Variants in INO80D observed in about 807,000 individuals in gnomAD.
INO80D encodes the protein INO80 complex subunit D.
INO80D carries 21 observed loss-of-function variants against 87.6 expected under a neutral mutation model. The observed-to-expected ratio is 0.24, with a 90% CI of 0.17 to 0.35. INO80D has a LOEUF of 0.35. Ranked by LOEUF, INO80D falls within the 10% of genes least tolerant of loss-of-function variation. INO80D has a pLI of 1.00. For synonymous variants in INO80D, 440 were observed against 491.0 expected (o/e 0.90, Z 1.37); for missense variants, 982 against 1,280.7 (o/e 0.77, Z 3.56).
rs1168497684 is a variant in INO80D at position 205,999,419 on chromosome 2, A to G, written c.*4949T>C. On this transcript the variant is annotated 3_prime_UTR_variant, in exon 11 of 11. Transcript: ENST00000403263. The stretch of plus-strand genomic sequence containing the variant: ...TGATCTAAACTTTAGATCACTAAAA[A>G]CTGCTGTTCAAAGTAGCCAAACATC... The G allele has an allele frequency of 6.6e-6, 1 of 152,144 alleles. No individual in the cohort carries two copies. The highest frequency in any genetic ancestry group is 1.5e-5 in the Non-Finnish European group (1 of 68,032). The allele number at this position is 152,144 out of a possible 1,614,324, so 9.4% of individuals were successfully genotyped here. A position where few individuals can be genotyped will look rare whatever the true frequency, so the allele number is the denominator to read the frequency against.
In INO80D at chr2:206,005,219, G is replaced by T; in HGVS notation, c.2233C>A (p.Pro745Thr). 1 of 1,613,996 alleles carries T rather than the reference G, an allele frequency of 6.2e-7. No individual in the cohort carries two copies. The highest frequency in any genetic ancestry group is 8.5e-7 in the Non-Finnish European group (1 of 1,179,886). Residue 745 changes from proline to threonine, a missense_variant, in exon 11 of 11, where the codon CCT becomes ACT. Physicochemically the swap from Pro to Thr is conservative, Grantham distance 38. Coordinates refer to ENST00000403263, the MANE Select transcript of INO80D (RefSeq NM_017759.5). The part of the protein sequence containing the change: ...LLRSATLSNP[P>T]TPLAGQIQGQ... ...TGGATCTGCCCTGCCAGGGGTGTAG[G>T]TGGGTTTGACAAGGTAGCAGAACGG...
intron 1 of INO80D, among the ~76,000 whole-genome samples, chr2:206,073,798 A>T (rs1048124552): frequency 1.2e-4 from 18 of 152,224 alleles, no homozygotes; most frequent in East Asian, 5.8e-4. Context: ...TACAGGCCTA[A>T]GCCACCATGC....
At chr2:206,028,897 T>G (rs1275980258) in intron 5 of INO80D, among the ~76,000 whole-genome samples, 2 of 151,800 alleles carry the variant, frequency 1.3e-5, no homozygotes, top group Admixed American at 6.6e-5. Flanking sequence ...TTTTTGTTTT[T>G]TTTTTTTGGA....
intron 10 of INO80D, 96 bp from the exon 11 acceptor site, chr2:206,005,629 T>A: frequency 1.0e-6 from 1 of 980,690 alleles, no homozygotes; most frequent in Non-Finnish European, 1.5e-6. Context: ...ATATTCGATT[T>A]AAAGAGTCCC....
At chr2:206,026,373 C>G (rs1184548075) in intron 6 of INO80D, among the ~76,000 whole-genome samples, 1 of 151,730 alleles carries the variant, frequency 6.6e-6, no homozygotes, top group African/African-American at 2.4e-5. Flanking sequence ...TGGTGAAACC[C>G]CATCTTTACT....
At chr2:206,057,967 CAT>C (rs1689572320) in intron 3 of INO80D, among the ~76,000 whole-genome samples, 1 of 150,014 alleles carries the variant, frequency 6.7e-6, no homozygotes, top group South Asian at 2.1e-4. Flanking sequence ...TGAAAGATCA[CAT>C]ATCTCTGTTT....
In INO80D at chr2:206,004,652, A is replaced by G; in HGVS notation, c.2800T>C (p.Phe934Leu). 1 of 1,613,780 alleles carries G rather than the reference A, an allele frequency of 6.2e-7. No homozygotes were observed. The highest frequency in any genetic ancestry group is 1.6e-4 in the Middle Eastern group (1 of 6,062). ...GAGCTGCTGGGGGTCACGGTGGCGA[A>G]GGCAGGCTGTGTGGTCTCTGAGTTC... Reference protein sequence around the residue: ...TSNSETTQPAFATVTPSSSSV... With the variant: ...TSNSETTQPALATVTPSSSSV... The change falls in exon 11 of 11, where the codon TTC (phenylalanine) becomes CTC (leucine). Residue 934 changes from phenylalanine to leucine, a missense_variant. Coordinates refer to ENST00000403263, the MANE Select transcript of INO80D (RefSeq NM_017759.5). This position sits in a 1 kb window ranked among gnomAD's most constrained non-coding sequence, Gnocchi z 4.9.
In INO80D at chr2:206,004,906, G is replaced by C. The variant is rs767227110; in HGVS notation, c.2546C>G (p.Thr849Arg). The C allele has an allele frequency of 6.2e-7, 1 of 1,614,044 alleles. No homozygotes were observed. Among genetic ancestry groups the C allele is most frequent in the South Asian group, 1.1e-5 (1 of 91,086 alleles). ...TGCCATATTATCACCAGAGTACGAT[G>C]TTGTGTGGGGAGAGGTGATATGGTC... is the stretch of plus-strand genomic sequence containing the variant. ...YSDHITSPHT[T>R]SYSGDNMAAT... Residue 849 changes from threonine to arginine, a missense_variant, in exon 11 of 11, where the codon ACA becomes AGA. Coordinates refer to ENST00000403263, the MANE Select transcript of INO80D (RefSeq NM_017759.5). The surrounding 1 kb of genome is among the most constrained non-coding windows in gnomAD (Gnocchi z 4.9).
chr2:206,009,139 G>A (rs527381670), intron 9 of INO80D, among the ~76,000 whole-genome samples: 3 of 152,194 alleles, frequency 2.0e-5, no homozygotes, highest in Non-Finnish European at 2.9e-5. Context: ...GTGAAACCCC[G>A]TCTCTACTAA....
In INO80D at chr2:206,009,765, A is replaced by G; in HGVS notation, c.1572T>C (p.Arg524=). 6.2e-7 allele frequency: 1 copy of G among 1,613,144 alleles called. No homozygotes were observed. Among genetic ancestry groups the G allele is most frequent in the Non-Finnish European group, 8.5e-7 (1 of 1,179,522 alleles). Residue 524 remains arginine, a synonymous_variant, in exon 9 of 11, where the codon CGT becomes CGC. Coordinates refer to ENST00000403263, the MANE Select transcript of INO80D (RefSeq NM_017759.5). ...TCCTCTGCTGCTGGTGCTGAACTTT[A>G]CGGGAGTTATCTCCTCTCAAGAAAT... The part of the protein sequence containing the change: ...MDNFLRGDNS[R]KVQHQQQRKP...
intron 1 of INO80D, among the ~76,000 whole-genome samples, chr2:206,075,625 C>T (rs1279924400): frequency 2.0e-5 from 3 of 151,458 alleles, no homozygotes; most frequent in Non-Finnish European, 4.4e-5. Context: ...TTAGTAGACA[C>T]GAGGGTTTCA....
chr2:206,034,295 G>A (rs899686668), intron 5 of INO80D, among the ~76,000 whole-genome samples: 10 of 151,966 alleles, frequency 6.6e-5, no homozygotes, highest in Non-Finnish European at 1.2e-4. Flanking sequence ...AACCAAAAAA[G>A]AAAACCACAG....
In INO80D at chr2:206,080,902, CAAAAAAA is replaced by C. The variant is rs60198558; in HGVS notation, c.-124+4992_-124+4998del. 4.2e-4 allele frequency among the ~76,000 whole-genome samples: 16 copies of C among 38,056 alleles called. No homozygotes were observed. In the South Asian group the frequency reaches 4.4e-3, roughly 10 times the overall value. 25.0% of individuals were successfully genotyped at this position (38,056 alleles called of 152,430 possible). A position where few individuals can be genotyped will look rare whatever the true frequency, so the allele number is the denominator to read the frequency against. ...TGGGCGACAGAGTGAGACTCAGTCTCAAAAAAAAAAAAAAAAAAAAAAAAAGAATATT... is the reference window on the plus strand; with the variant it reads ...TGGGCGACAGAGTGAGACTCAGTCTCAAAAAAAAAAAAAAAAAAGAATATT... On this transcript the variant is annotated intron_variant, in intron 1 of 10. Coordinates refer to ENST00000403263, the MANE Select transcript of INO80D (RefSeq NM_017759.5).
chr2:206,009,127 T>C (rs1426703871), intron 9 of INO80D, among the ~76,000 whole-genome samples: 10 of 152,164 alleles, frequency 6.6e-5, no homozygotes, highest in Admixed American at 6.5e-4. Context: ...CTGGCCAACA[T>C]GGTGAAACCC....
At chr2:206,015,039 G>T (rs1688281263) in intron 8 of INO80D, among the ~76,000 whole-genome samples, 1 of 152,212 alleles carries the variant, frequency 6.6e-6, no homozygotes, top group Admixed American at 6.5e-5. Context: ...TTGAACTTGA[G>T]AGAGATGATC....
intron 6 of INO80D, among the ~76,000 whole-genome samples, chr2:206,023,789 G>A (rs1448810677): frequency 6.6e-6 from 1 of 151,992 alleles, no homozygotes; most frequent in African/African-American, 2.4e-5. Context: ...CTAATCATGG[G>A]TGACACAACT....
At chr2:206,041,473 C>G (rs953280833) in intron 5 of INO80D, among the ~76,000 whole-genome samples, 1 of 152,124 alleles carries the variant, frequency 6.6e-6, no homozygotes, top group Non-Finnish European at 1.5e-5. Context: ...TATAGAGGAC[C>G]ATTTTATAAT....
In INO80D at chr2:206,043,709, A is replaced by G. The variant is rs1174801898; in HGVS notation, c.1073+2795T>C. Reference sequence around the variant, plus strand: ...TCACCGCGTTAGCCAGGATGGTCTCAATCTCCTGACCTTGTGATCCGCCTG... The same window carrying G: ...TCACCGCGTTAGCCAGGATGGTCTCGATCTCCTGACCTTGTGATCCGCCTG... On this transcript the variant is annotated intron_variant, in intron 5 of 10. Transcript: ENST00000403263. 4.7e-5 allele frequency among the ~76,000 whole-genome samples: 7 copies of G among 148,892 alleles called. No individual in the cohort carries two copies. The East Asian group carries it at 1.5e-3, about 31-fold the overall frequency.
At position 206,077,687 on chromosome 2, in the gene INO80D, A is replaced by G. The variant is rs112626606; in HGVS notation, c.-124+8214T>C. Among the ~76,000 whole-genome samples the G allele has an allele frequency of 2.6e-5, 4 of 152,320 alleles. 1 individual carries two copies. The highest frequency in any genetic ancestry group is 9.6e-5 in the African/African-American group (4 of 41,574). On this transcript the variant is annotated intron_variant, in intron 1 of 10. Coordinates refer to ENST00000403263, the MANE Select transcript of INO80D (RefSeq NM_017759.5). ...TGTTGTTACAGAAACCCTGCATTAC[A>G]GGACAAGAGGAAAGAAGAAAAACTA...
Sources: gnomAD v4.1 joint callset for allele counts (sites outside exome capture counted in the v4.1 genomes callset) on GRCh38, gnomAD v4.1.1 for gene constraint, Gnocchi (gnomAD v3.1) non-coding constraint, MANE v1.5 for transcripts, NCBI Gene and HGNC (gene_info 2026-07-23, HGNC 2026-07-21) for gene names.